Variants in ABCC9 observed in about 807,000 individuals in gnomAD.
The protein encoded by ABCC9 is ATP-binding cassette sub-family C member 9.
Under a neutral mutation model 188.3 loss-of-function variants are expected in ABCC9, and 95 were observed. That is an observed-to-expected ratio of 0.50 (90% CI 0.43 to 0.60). The LOEUF (loss-of-function observed/expected upper bound fraction) is 0.60, where lower values mean the gene tolerates loss of function less well. ABCC9 is among the 20% of genes least tolerant of loss of function. The pLI is 0.00. For missense variants in ABCC9, 1,102 were observed against 1,876.3 expected (o/e 0.59, Z 7.62); for synonymous variants, 659 against 652.7 (o/e 1.01, Z -0.15).
intron 31 of ABCC9, chr12:21,828,672 AAATT>A: frequency 2.5e-6 from 1 of 406,816 alleles, no homozygotes; most frequent in Non-Finnish European, 4.6e-6. Flanking sequence ...TTGGAAAAAA[AAATT>A]TGAAGTTATA....
chr12:21,799,455 T>C lies in ABCC9; in HGVS notation c.*1589A>G, dbSNP rs1212496228. On this transcript the variant is annotated 3_prime_UTR_variant, in exon 40 of 40. Transcript: ENST00000261200. ...TAATGAGTACCAATCCTATTCTGTT[T>C]AGCTTTAAGAAAACAATAAGGTTAT... The C allele has an allele frequency of 6.6e-6, 1 of 152,148 alleles. No individual in the cohort carries two copies. Among genetic ancestry groups the C allele is most frequent in the African/African-American group, 2.4e-5 (1 of 41,450 alleles). The allele number at this position is 152,148 out of a possible 1,614,324, so 9.4% of individuals were successfully genotyped here.
At chr12:21,846,613 A>G (rs956732098) in intron 25 of ABCC9, among the ~76,000 whole-genome samples, 1 of 152,178 alleles carries the variant, frequency 6.6e-6, no homozygotes, top group Non-Finnish European at 1.5e-5. Context: ...AAATATGTTT[A>G]TGATGAGAAG....
chr12:21,899,817 T>C (rs1947628087), intron 12 of ABCC9, among the ~76,000 whole-genome samples: 1 of 152,038 alleles, frequency 6.6e-6, no homozygotes, highest in Admixed American at 6.5e-5. Flanking sequence ...GCCGGGAAGC[T>C]CAAACTGGGT....
At chr12:21,827,197 C>A in intron 31 of ABCC9, 9 of 985,378 alleles carry the variant, frequency 9.1e-6, no homozygotes, top group Non-Finnish European at 1.1e-5. Flanking sequence ...CCTGACCTTC[C>A]CTTTCTTGGC....
At chr12:21,853,914 G>C (rs1240066943) in intron 22 of ABCC9, among the ~76,000 whole-genome samples, 4 of 152,140 alleles carry the variant, frequency 2.6e-5, no homozygotes, top group Non-Finnish European at 2.9e-5. Flanking sequence ...AGAGTTAATG[G>C]AACAGTGGGA....
intron 30 of ABCC9, among the ~76,000 whole-genome samples, chr12:21,831,739 A>G (rs1943770232): frequency 6.6e-6 from 1 of 152,196 alleles, no homozygotes; most frequent in Non-Finnish European, 1.5e-5. Flanking sequence ...CAGGAACAAT[A>G]TGAGAAAAGG....
At chr12:21,843,639 G>C (rs1944497581) in intron 28 of ABCC9, among the ~76,000 whole-genome samples, 1 of 152,034 alleles carries the variant, frequency 6.6e-6, no homozygotes, top group Non-Finnish European at 1.5e-5. Context: ...TTTCTAATTG[G>C]TTATTTTACT....
chr12:21,883,961 T>C (rs1229704268), intron 15 of ABCC9, among the ~76,000 whole-genome samples: 4 of 152,122 alleles, frequency 2.6e-5, no homozygotes, highest in Non-Finnish European at 5.9e-5. Flanking sequence ...CAGAGATAAA[T>C]GGCTAAAGAG....
At chr12:21,909,557 T>C (rs1948217376) in intron 10 of ABCC9, among the ~76,000 whole-genome samples, 1 of 151,998 alleles carries the variant, frequency 6.6e-6, no homozygotes. Context: ...AATGTTATTT[T>C]ACATAGGAAA....
chr12:21,850,996 G>A lies in ABCC9; in HGVS notation c.2769+1101C>T, dbSNP rs138083906. Among the ~76,000 whole-genome samples the A allele has an allele frequency of 2.9e-3, 447 of 151,922 alleles. 4 individuals carry two copies. The highest frequency in any genetic ancestry group is 0.01 in the African/African-American group (427 of 41,468). ...GTGTGGTTTGCTTTTGAGATCTTTA[G>A]CAAATCCAAAGAAGGTAGAGAAATC... On this transcript the variant is annotated intron_variant, in intron 24 of 39. Transcript: ENST00000261200.
chr12:21,847,160 G>A (rs903684614), intron 25 of ABCC9, among the ~76,000 whole-genome samples: 3 of 151,992 alleles, frequency 2.0e-5, no homozygotes, highest in African/African-American at 7.3e-5. Context: ...TTTTATACCT[G>A]AGAATATGGA....
intron 11 of ABCC9, 26 bp downstream of exon 11, chr12:21,908,051 T>C: frequency 3.1e-6 from 5 of 1,608,990 alleles, no homozygotes; most frequent in Non-Finnish European, 4.3e-6. Flanking sequence ...ATTTTTGTAA[T>C]TAAGTTTCCA....
chr12:21,804,732 G>A (rs940806012), intron 39 of ABCC9, among the ~76,000 whole-genome samples: 2 of 152,144 alleles, frequency 1.3e-5, no homozygotes, highest in South Asian at 4.1e-4. Flanking sequence ...TTTCTCCCAT[G>A]CATCATCCAA....
intron 24 of ABCC9, among the ~76,000 whole-genome samples, chr12:21,850,157 A>G (rs1450227165): frequency 1.3e-5 from 2 of 150,760 alleles, no homozygotes; most frequent in Non-Finnish European, 3.0e-5. Flanking sequence ...AGCACACTAG[A>G]TGCTAATAGC....
intron 33 of ABCC9, among the ~76,000 whole-genome samples, chr12:21,816,682 G>A (rs1290008295): frequency 6.6e-6 from 1 of 152,144 alleles, no homozygotes; most frequent in Non-Finnish European, 1.5e-5. Flanking sequence ...TCTTAGCTAA[G>A]TTTTCTGGAT....
At chr12:21,824,526 C>T (rs1943250031) in intron 31 of ABCC9, among the ~76,000 whole-genome samples, 1 of 152,098 alleles carries the variant, frequency 6.6e-6, no homozygotes, top group Non-Finnish European at 1.5e-5. Context: ...AGGGAGGAGT[C>T]CCTCTTTTTC....
At chr12:21,925,444 C>T (rs1949007229) in intron 5 of ABCC9, 2 of 699,238 alleles carry the variant, frequency 2.9e-6, no homozygotes, top group African/African-American at 3.5e-5. Flanking sequence ...ATGCTAGAAA[C>T]ATACTCTGCT....
chr12:21,888,015 C>A, intron 14 of ABCC9, 81 bp from the exon 15 acceptor site: 1 of 1,038,994 alleles, frequency 9.6e-7, no homozygotes, highest in Non-Finnish European at 1.5e-6. Context: ...ACGACTTTAA[C>A]ACACAGTATT....
At chr12:21,895,388 A>T in intron 12 of ABCC9, 73 bp from the exon 13 acceptor site, 1 of 1,324,806 alleles carries the variant, frequency 7.5e-7, no homozygotes, top group Admixed American at 1.7e-5. Flanking sequence ...ATCATCTATT[A>T]TTGCTTTAAC....
Sources: allele counts gnomAD v4.1 joint callset (sites outside exome capture counted in the v4.1 genomes callset), GRCh38; gene constraint gnomAD v4.1.1; transcripts MANE v1.5; gene names NCBI Gene and HGNC (gene_info 2026-07-23, HGNC 2026-07-21).